Variants in DNAAF11 observed in about 807,000 individuals in gnomAD.
DNAAF11 encodes dynein axonemal assembly factor 11, also known as leucine rich repeat containing 6.
DNAAF11 carries 45 observed loss-of-function variants against 60.8 expected under a neutral mutation model. The observed-to-expected ratio is 0.74, with a 90% CI of 0.58 to 0.95. The LOEUF is 0.95. Ranked by LOEUF, DNAAF11 falls within the 40% of genes least tolerant of loss-of-function variation. The pLI is 0.00. For missense variants in DNAAF11, 546 were observed against 546.2 expected, an observed-to-expected ratio of 1.00 and a Z score of 0.00; for synonymous variants, 191 against 183.5, an observed-to-expected ratio of 1.04 and a Z score of -0.33.
In DNAAF11 at chr8:132,570,963, T is replaced by G. The variant is rs540071098; in HGVS notation, c.*1343A>C. On this transcript the variant is annotated 3_prime_UTR_variant, in exon 12 of 12. Coordinates refer to ENST00000620350, the MANE Select transcript of DNAAF11 (RefSeq NM_012472.6). Reference sequence around the variant, plus strand: ...TGAATTGTCTACCTGTACCAGTGCTTCTTCTTCCAATTCTCTACCTCTCCC... The same window carrying G: ...TGAATTGTCTACCTGTACCAGTGCTGCTTCTTCCAATTCTCTACCTCTCCC... 1.4e-4 allele frequency among the ~76,000 whole-genome samples: 21 copies of G among 152,220 alleles called. No individual in the cohort carries two copies. Among genetic ancestry groups the G allele is most frequent in the South Asian group, 4.1e-4 (2 of 4,830 alleles).
chr8:132,662,653 G>A (rs1421060587), intron 1 of DNAAF11, among the ~76,000 whole-genome samples: 3 of 152,212 alleles, frequency 2.0e-5, no homozygotes, highest in Non-Finnish European at 4.4e-5. Flanking sequence ...GTAAAGCACA[G>A]AGAGTTTAAA....
Position 132,572,486 on chromosome 8 carries a change from A to G in DNAAF11, c.1227-6T>C. The G allele has an allele frequency of 6.4e-7, 1 of 1,572,850 alleles. No individual in the cohort carries two copies. The highest frequency in any genetic ancestry group is 8.6e-7 in the Non-Finnish European group (1 of 1,161,456). ...GTTTCTCCATGTGCTTGCTTCTATA[A>G]CAACAAAAAAAGACAAACAGAAACT... On this transcript the variant is annotated splice_region_variant and splice_polypyrimidine_tract_variant and intron_variant, in intron 11 of 11. Coordinates refer to ENST00000620350, the MANE Select transcript of DNAAF11 (RefSeq NM_012472.6).
chr8:132,628,151 C>T (rs183596281), intron 5 of DNAAF11, among the ~76,000 whole-genome samples: 2 of 152,102 alleles, frequency 1.3e-5, no homozygotes, highest in South Asian at 2.1e-4. Context: ...GGGTGGCTCA[C>T]GCCTGTAATC....
At chr8:132,609,586 G>T (rs1374440160) in intron 10 of DNAAF11, among the ~76,000 whole-genome samples, 8 of 152,038 alleles carry the variant, frequency 5.3e-5, no homozygotes, top group Admixed American at 5.2e-4. Context: ...CATTGTGATG[G>T]GAGAGATTCT....
Position 132,572,444 on chromosome 8 carries a change from G to A in DNAAF11, c.1263C>T (p.Ser421=), listed in dbSNP as rs376047404. 1.2e-6 allele frequency: 2 copies of A among 1,610,318 alleles called. No individual in the cohort carries two copies. Among genetic ancestry groups the A allele is most frequent in the African/African-American group, 2.7e-5 (2 of 74,782 alleles). Residue 421 remains serine (S), a synonymous_variant, in exon 12 of 12, where the codon AGC becomes AGT. Coordinates refer to ENST00000620350, the MANE Select transcript of DNAAF11 (RefSeq NM_012472.6). ...TAGTCACATCAGGGAATGAGTGCTTGCTAGGGTCTACTTCTAGTTTCTCCA... is the reference window on the plus strand; with the variant it reads ...TAGTCACATCAGGGAATGAGTGCTTACTAGGGTCTACTTCTAGTTTCTCCA... ...KHMEKLEVDP[S]KHSFPDVTNI...
At chr8:132,630,108 C>T (rs756750230) in intron 5 of DNAAF11, among the ~76,000 whole-genome samples, 4 of 152,104 alleles carry the variant, frequency 2.6e-5, no homozygotes, top group Non-Finnish European at 4.4e-5. Context: ...ATCAAAATTC[C>T]ACTAGGGATT....
At chr8:132,684,688 G>A in the DNAAF11 span, among the ~76,000 whole-genome samples, 6 of 152,148 alleles carry the variant, frequency 3.9e-5, no homozygotes, top group African/African-American at 1.4e-4. Flanking sequence ...TGATGACAAA[G>A]GCCAGTCTTT....
intron 11 of DNAAF11, among the ~76,000 whole-genome samples, chr8:132,579,766 G>C (rs141768422): frequency 6.6e-6 from 1 of 152,112 alleles, no homozygotes; most frequent in Non-Finnish European, 1.5e-5. Context: ...AGGCTGCAGC[G>C]GGCGGATCAC....
At chr8:132,676,639 G>A (rs1208789190), upstream of DNAAF11, among the ~76,000 whole-genome samples, 1 of 152,148 alleles carries the variant, frequency 6.6e-6, no homozygotes. Flanking sequence ...ATTAGAGTTT[G>A]CCAGGTAGAG....
At chr8:132,623,163 C>T (rs1355295891) in intron 6 of DNAAF11, among the ~76,000 whole-genome samples, 1 of 152,140 alleles carries the variant, frequency 6.6e-6, no homozygotes, top group Non-Finnish European at 1.5e-5. Flanking sequence ...ATATTTCTCA[C>T]AGCATTATTT....
chr8:132,631,731 AAAGATCCAT>A (rs1343316394), intron 5 of DNAAF11, among the ~76,000 whole-genome samples: 2 of 152,164 alleles, frequency 1.3e-5, no homozygotes, highest in Non-Finnish European at 2.9e-5. Flanking sequence ...TTATTTAAAA[AAAGATCCAT>A]CATTCTCAGC....
At chr8:132,680,821 C>T in the DNAAF11 span, among the ~76,000 whole-genome samples, 1 of 150,722 alleles carries the variant, frequency 6.6e-6, no homozygotes, top group Non-Finnish European at 1.5e-5. Context: ...TATTGAGTAC[C>T]TTCCATATAC....
intron 11 of DNAAF11, among the ~76,000 whole-genome samples, chr8:132,576,938 G>T (rs1343657986): frequency 6.6e-6 from 1 of 152,062 alleles, no homozygotes; most frequent in Non-Finnish European, 1.5e-5. Flanking sequence ...TCAGTATTGG[G>T]GCAAGCACTG....
Position 132,572,355 on chromosome 8 carries a change from T to A in DNAAF11, c.1352A>T (p.Glu451Val). Residue 451 changes from glutamate to valine, a missense_variant, in exon 12 of 12, where the codon GAG (glutamate) becomes GTG (valine). Transcript: ENST00000620350. Reference sequence around the variant, plus strand: ...GTTGTCTTCAAAGGTTGGGTCTTCCTCACTTGGTATAATTTTGGGTTCAGG... The same window carrying A: ...GTTGTCTTCAAAGGTTGGGTCTTCCACACTTGGTATAATTTTGGGTTCAGG... ...RRPEPKIIPS[E>V]EDPTFEDNPE... The A allele has an allele frequency of 6.2e-7, 1 of 1,614,044 alleles. No homozygotes were observed. The highest frequency in any genetic ancestry group is 8.5e-7 in the Non-Finnish European group (1 of 1,179,948).
intron 1 of DNAAF11, among the ~76,000 whole-genome samples, chr8:132,673,669 A>C (rs1825405807): frequency 6.6e-6 from 1 of 151,828 alleles, no homozygotes. Flanking sequence ...CCTCTGGGCA[A>C]TTCACTGAGC....
At chr8:132,643,083 G>C (rs1162152610) in intron 3 of DNAAF11, among the ~76,000 whole-genome samples, 4 of 152,206 alleles carry the variant, frequency 2.6e-5, no homozygotes, top group Non-Finnish European at 5.9e-5. Context: ...AGGATCTAAA[G>C]CAGCAGCTGT....
At chr8:132,605,494 C>T (rs1285788900) in intron 10 of DNAAF11, among the ~76,000 whole-genome samples, 1 of 152,180 alleles carries the variant, frequency 6.6e-6, no homozygotes, top group African/African-American at 2.4e-5. Context: ...TTAAGGTATT[C>T]ACTCATTCAA....
chr8:132,609,378 A>C (rs866653712), intron 10 of DNAAF11, among the ~76,000 whole-genome samples: 38 of 151,022 alleles, frequency 2.5e-4, no homozygotes, highest in African/African-American at 9.0e-4. Context: ...GTACATGTTC[A>C]GTATAGACAC....
chr8:132,689,578 T>C, the DNAAF11 span, among the ~76,000 whole-genome samples: 1 of 152,224 alleles, frequency 6.6e-6, no homozygotes, highest in African/African-American at 2.4e-5. Context: ...ACAATAGGAA[T>C]ATACTATATA....
Sources: gnomAD v4.1 joint callset for allele counts (sites outside exome capture counted in the v4.1 genomes callset) on GRCh38, gnomAD v4.1.1 for gene constraint, MANE v1.5 for transcripts, NCBI Gene and HGNC (gene_info 2026-07-23, HGNC 2026-07-21) for gene names.